FTO: variants seen among roughly 807,000 people sequenced by gnomAD.
FTO encodes the protein alpha-ketoglutarate-dependent dioxygenase FTO.
FTO carries 47 observed loss-of-function variants against 63.9 expected under a neutral mutation model. That is an observed-to-expected ratio of 0.74 (90% CI 0.58 to 0.94). The LOEUF (loss-of-function observed/expected upper bound fraction) is 0.94. Ranked by LOEUF, FTO falls within the 40% of genes least tolerant of loss-of-function variation. The pLI, the probability that FTO is intolerant of heterozygous loss-of-function variation, is 0.00. For missense variants in FTO, 562 were observed against 618.1 expected (o/e 0.91, Z 0.96); for synonymous variants, 207 against 224.4 (o/e 0.92, Z 0.69).
intron 8 of FTO, chr16:53,992,864 C>G (rs1318454129): frequency 1.3e-5 from 2 of 152,144 alleles, no homozygotes; most frequent in Non-Finnish European, 2.9e-5. Flanking sequence ...GAAGAAGGTT[C>G]AAGACTGGAA....
At chr16:53,973,746 A>G (rs551139838) in intron 8 of FTO, among the ~76,000 whole-genome samples, 2 of 152,300 alleles carry the variant, frequency 1.3e-5, no homozygotes, top group South Asian at 2.1e-4. Flanking sequence ...GGAAAGGTGC[A>G]TGAGGGAACT....
Position 53,956,422 on chromosome 16 carries a change from G to T in FTO, c.1364+22313G>T, listed in dbSNP as rs546403779. On this transcript the variant is annotated intron_variant, in intron 8 of 8. Transcript: ENST00000471389. ...AATTCTCCAAATCGAGCAGGTAGTG[G>T]CAGCTACTAAGTGATGAAGAAAGCA... 1.6e-4 allele frequency among the ~76,000 whole-genome samples: 24 copies of T among 152,196 alleles called. 1 individual carries two copies. Among genetic ancestry groups the T allele is most frequent in the African/African-American group, 5.5e-4 (23 of 41,544 alleles).
At chr16:53,719,514 T>C (rs1215288567) in intron 1 of FTO, among the ~76,000 whole-genome samples, 1 of 152,076 alleles carries the variant, frequency 6.6e-6, no homozygotes, top group Non-Finnish European at 1.5e-5. Flanking sequence ...TAGGGTAGAA[T>C]TGTGTATAGT....
At chr16:53,843,670 A>G (rs984614535) in intron 3 of FTO, among the ~76,000 whole-genome samples, 5 of 152,156 alleles carry the variant, frequency 3.3e-5, no homozygotes, top group Non-Finnish European at 5.9e-5. Flanking sequence ...AACCCCATTC[A>G]TCTAAAAAAT....
chr16:53,924,751 T>G (rs2082097577), intron 7 of FTO, among the ~76,000 whole-genome samples: 1 of 152,164 alleles, frequency 6.6e-6, no homozygotes, highest in African/African-American at 2.4e-5. Context: ...AAAGAAAGTT[T>G]TAACATTGTG....
intron 6 of FTO, among the ~76,000 whole-genome samples, 157 bp downstream of exon 6, chr16:53,880,144 G>T (rs1281190724): frequency 6.6e-6 from 1 of 152,042 alleles, no homozygotes. Context: ...ACAGGTGCAT[G>T]CGCCACCACT....
At chr16:53,723,831 TA>T (rs2076093083) in intron 1 of FTO, among the ~76,000 whole-genome samples, 1 of 152,142 alleles carries the variant, frequency 6.6e-6, no homozygotes, top group Admixed American at 6.5e-5. Flanking sequence ...AATACCAAGA[TA>T]GGGTTTTTGG....
chr16:53,705,286 T>C (rs7187609), intron 1 of FTO, among the ~76,000 whole-genome samples: 10,932 of 152,240 alleles, frequency 0.072, 1,123 homozygotes, highest in African/African-American at 0.23. Context: ...CTGTTGCTCT[T>C]AGGATAAAGG....
intron 8 of FTO, among the ~76,000 whole-genome samples, chr16:54,008,995 GAAA>G (rs2084276793): frequency 2.5e-5 from 3 of 119,682 alleles, no homozygotes; most frequent in East Asian, 4.3e-4. Context: ...CTGAGTGACA[GAAA>G]AAGACCCTGT....
intron 8 of FTO, among the ~76,000 whole-genome samples, chr16:54,018,409 GATACATAC>G (rs1381107400): frequency 4.6e-4 from 66 of 142,212 alleles, no homozygotes; most frequent in African/African-American, 9.0e-4. Context: ...TAGATAGATA[GATACATAC>G]ATACATACAT....
At chr16:53,827,969 C>T (rs568044784) in intron 3 of FTO, among the ~76,000 whole-genome samples, 1 of 152,338 alleles carries the variant, frequency 6.6e-6, no homozygotes, top group African/African-American at 2.4e-5. Flanking sequence ...CTCCCAATTA[C>T]TCTGAGCCCT....
rs113759286 is a variant in FTO at position 53,750,725 on chromosome 16, TA to T, written c.45+46498del. On this transcript the variant is annotated intron_variant, in intron 1 of 8. Transcript: ENST00000471389. ...AACTATTATCAAAAAGGATCACACT[TA>T]ACCAAAATGTGAGTTCCTGGAGAAT... Among the ~76,000 whole-genome samples the T allele has an allele frequency of 9.5e-3, 1,454 of 152,328 alleles. 21 individuals carry two copies. Among genetic ancestry groups the T allele is most frequent in the East Asian group, 0.04 (209 of 5,188 alleles).
At chr16:53,718,429 C>T (rs1306880443) in intron 1 of FTO, among the ~76,000 whole-genome samples, 1 of 151,958 alleles carries the variant, frequency 6.6e-6, no homozygotes, top group Non-Finnish European at 1.5e-5. Context: ...CTTGGGTTTT[C>T]TGGATATTTA....
intron 8 of FTO, among the ~76,000 whole-genome samples, chr16:53,985,675 C>T (rs959225687): frequency 1.1e-4 from 17 of 152,094 alleles, no homozygotes; most frequent in African/African-American, 2.4e-4. Context: ...ATGTAGGGCC[C>T]GAGTGATTTT....
intron 8 of FTO, among the ~76,000 whole-genome samples, chr16:54,084,188 C>T (rs1364502373): frequency 1.3e-5 from 2 of 152,202 alleles, no homozygotes; most frequent in Non-Finnish European, 2.9e-5. Context: ...TGTCCTTGAA[C>T]GTGTTATTTA....
Position 53,873,858 on chromosome 16 carries a change from T to A in FTO, c.968T>A (p.Val323Glu). The A allele has an allele frequency of 1.2e-6, 2 of 1,611,106 alleles. No individual in the cohort carries two copies. The highest frequency in any genetic ancestry group is 1.7e-6 in the Non-Finnish European group (2 of 1,177,740). ...SQPRFSSTHR[V>E]AECSTGTLDY... ...CCTCGGTTTAGTTCCACCCACCGAG[T>A]GGCAGAGGTAAGTGTAAATAAAAAT... is the stretch of plus-strand genomic sequence containing the variant. The change falls in exon 5 of 9, where the codon GTG becomes GAG. Residue 323 changes from valine to glutamate, a missense_variant. Transcript: ENST00000471389.
intron 8 of FTO, chr16:53,994,257 A>C (rs563648356): frequency 2.6e-5 from 4 of 152,166 alleles, no homozygotes; most frequent in Non-Finnish European, 4.4e-5. Context: ...GCTGCAGAAC[A>C]TTCTGCATCT....
At chr16:53,769,298 G>A (rs554097399) in intron 1 of FTO, among the ~76,000 whole-genome samples, 5 of 152,282 alleles carry the variant, frequency 3.3e-5, no homozygotes, top group Admixed American at 1.3e-4. Context: ...ATAGCATACT[G>A]ATTGAAAGCA....
chr16:53,801,112 A>G (rs1478212005), intron 1 of FTO, among the ~76,000 whole-genome samples: 2 of 152,050 alleles, frequency 1.3e-5, no homozygotes, highest in Non-Finnish European at 2.9e-5. Context: ...GATTGTTTCT[A>G]TGGTTGGATT....
Sources: allele counts gnomAD v4.1 joint callset (sites outside exome capture counted in the v4.1 genomes callset), GRCh38; gene constraint gnomAD v4.1.1; transcripts MANE v1.5; gene names NCBI Gene and HGNC (gene_info 2026-07-23, HGNC 2026-07-21).